Variants in SAP18 observed in about 807,000 individuals in gnomAD.
The protein encoded by SAP18 is Sin3A associated protein 18.
A neutral mutation model predicts 18.6 loss-of-function variants in SAP18; 4 were observed. The ratio of observed to expected loss-of-function variants is 0.21; its 90% CI spans 0.11 to 0.49. The LOEUF (loss-of-function observed/expected upper bound fraction) is 0.49, where lower values mean the gene tolerates loss of function less well. Among genes scored for constraint, SAP18 ranks in the 20% least tolerant of loss-of-function variants. The pLI, the probability that SAP18 is intolerant of heterozygous loss-of-function variation, is 0.98. For missense variants in SAP18, 170 were observed against 226.4 expected (o/e 0.75, Z 1.60); for synonymous variants, 112 against 82.8 (o/e 1.35, Z -1.92).
At position 21,145,926 on chromosome 13, in the gene SAP18, A is replaced by G. The variant is rs530851079; in HGVS notation, c.240-879A>G. 9.8e-5 allele frequency among the ~76,000 whole-genome samples: 15 copies of G among 152,378 alleles called. No individual in the cohort carries two copies. In the South Asian group the frequency reaches 1.4e-3, roughly 15 times the overall value. On this transcript the variant is annotated intron_variant, in intron 2 of 3. Transcript: ENST00000621421. ...CTATATGAAAGTTGGATTCAAGTCA[A>G]TATTTGCAGGGTAAGAAACTATTGT...
chr13:21,145,475 G>A (rs896634769), intron 2 of SAP18, among the ~76,000 whole-genome samples: 2 of 151,978 alleles, frequency 1.3e-5, no homozygotes, highest in African/African-American at 4.8e-5. Flanking sequence ...TTGAAAAAAG[G>A]TCACCTCTGA....
At chr13:21,144,799 A>C (rs1232418532) in intron 2 of SAP18, among the ~76,000 whole-genome samples, 1 of 152,214 alleles carries the variant, frequency 6.6e-6, no homozygotes, top group African/African-American at 2.4e-5. Context: ...AGTCCTTAGA[A>C]GGTGGGAAGC....
At chr13:21,146,593 T>C in intron 2 of SAP18, 1 of 364,940 alleles carries the variant, frequency 2.7e-6, no homozygotes, top group Non-Finnish European at 5.0e-6. Context: ...GTCTAATTAA[T>C]TGAAATTTCC....
exon 2 of SAP18, chr13:21,140,945 C>G (rs1290210041): frequency 6.2e-7 from 1 of 1,613,894 alleles, no homozygotes; most frequent in South Asian, 1.1e-5. Flanking sequence ...ACCGAATGGA[C>G]GAGTTCTCCC....
intron 3 of SAP18, 54 bp downstream of exon 3, chr13:21,146,981 T>C (rs1869673265): frequency 1.3e-6 from 2 of 1,551,254 alleles, no homozygotes; most frequent in Non-Finnish European, 1.8e-6. Context: ...TAGTATGTTT[T>C]AACTGATACA....
intron 2 of SAP18, chr13:21,146,398 C>T (rs932323262): frequency 1.3e-5 from 2 of 155,514 alleles, no homozygotes; most frequent in Admixed American, 6.3e-5. Flanking sequence ...TTCTAAGATA[C>T]ATTCCAATTT....
chr13:21,142,148 G>A (rs890353778), intron 2 of SAP18, among the ~76,000 whole-genome samples: 5 of 149,090 alleles, frequency 3.4e-5, no homozygotes, highest in Admixed American at 1.3e-4. Context: ...TTAGCCAGGT[G>A]TGGTGGCGCA....
upstream of SAP18, chr13:21,140,427 G>T: frequency 2.7e-6 from 3 of 1,099,202 alleles, no homozygotes; most frequent in Non-Finnish European, 3.8e-6. Context: ...TCCCGAAGTC[G>T]CAACACGCAG....
intron 2 of SAP18, 60 bp from the exon 3 acceptor site, chr13:21,146,745 C>A: frequency 1.5e-6 from 2 of 1,367,256 alleles, no homozygotes; most frequent in East Asian, 4.8e-5. Context: ...GTTAGTATCC[C>A]TTTTAATATT....
exon 4 of SAP18, chr13:21,147,512 C>T: frequency 3.1e-6 from 2 of 636,362 alleles, no homozygotes. Flanking sequence ...TACGAATAGT[C>T]TGTATGTTTC....
chr13:21,148,778 C>T (rs1406237928), exon 4 of SAP18: 1 of 151,998 alleles, frequency 6.6e-6, no homozygotes, highest in Non-Finnish European at 1.5e-5. Context: ...GGGGGGGAAC[C>T]CTATGATTTA....
At chr13:21,145,497 C>T (rs1869618986) in intron 2 of SAP18, among the ~76,000 whole-genome samples, 1 of 151,876 alleles carries the variant, frequency 6.6e-6, no homozygotes, top group African/African-American at 2.4e-5. Context: ...ACAGATAAAC[C>T]AATGTGACCT....
chr13:21,148,462 C>T (rs1276034965), exon 4 of SAP18: 7 of 151,852 alleles, frequency 4.6e-5, no homozygotes, highest in Non-Finnish European at 8.8e-5. Flanking sequence ...GTTACAGTAG[C>T]CAATTGAAAA....
At chr13:21,142,316 A>C (rs937626443) in intron 2 of SAP18, among the ~76,000 whole-genome samples, 4 of 151,154 alleles carry the variant, frequency 2.6e-5, no homozygotes, top group Non-Finnish European at 5.9e-5. Flanking sequence ...CTATATAACA[A>C]AATTTGCCGT....
At chr13:21,147,054 G>T in intron 3 of SAP18, 127 bp downstream of exon 3, 1 of 1,422,902 alleles carries the variant, frequency 7.0e-7, no homozygotes, top group Non-Finnish European at 9.6e-7. Flanking sequence ...ACGTGGTTTG[G>T]CTTAATAAAG....
exon 4 of SAP18, chr13:21,147,449 A>C (rs1294484368): frequency 3.2e-6 from 3 of 944,712 alleles, no homozygotes; most frequent in Non-Finnish European, 4.9e-6. Context: ...TTCTAAACAA[A>C]TTATAATGCA....
At chr13:21,142,338 A>AT (rs1869498988) in intron 2 of SAP18, among the ~76,000 whole-genome samples, 1 of 150,236 alleles carries the variant, frequency 6.7e-6, no homozygotes, top group Non-Finnish European at 1.5e-5. Flanking sequence ...TTAACCATTT[A>AT]TTTTTATTTT....
chr13:21,142,760 A>G (rs996527212), intron 2 of SAP18, among the ~76,000 whole-genome samples: 3 of 152,046 alleles, frequency 2.0e-5, no homozygotes, highest in Non-Finnish European at 4.4e-5. Context: ...TTTAATTTTT[A>G]AAGAGACGGA....
exon 4 of SAP18, chr13:21,147,896 A>G (rs1399452922): frequency 6.6e-6 from 1 of 152,510 alleles, no homozygotes; most frequent in East Asian, 1.9e-4. Flanking sequence ...AACAGGCAAC[A>G]CAATGAGCAC....
Sources: gnomAD v4.1 joint callset for allele counts (sites outside exome capture counted in the v4.1 genomes callset) on GRCh38, gnomAD v4.1.1 for gene constraint, MANE v1.5 for transcripts, NCBI Gene and HGNC (gene_info 2026-07-23, HGNC 2026-07-21) for gene names.